The following PKIA variants were observed in gnomAD, a reference collection of about 807,000 sequenced individuals.
The protein encoded by PKIA is PKI-alpha.
PKIA carries 4 observed loss-of-function variants against 7.6 expected under a neutral mutation model. That is an observed-to-expected ratio of 0.52 (90% CI 0.26 to 1.20). PKIA has a LOEUF of 1.20. Ranked by LOEUF, PKIA falls within the 50% of genes most tolerant of loss-of-function variation. The pLI is 0.13. For synonymous variants in PKIA, 21 were observed against 30.7 expected (o/e 0.68, Z 1.04); for missense variants, 73 against 86.2 (o/e 0.85, Z 0.61).
At chr8:78,551,235 G>A (rs1431641620) in intron 1 of PKIA, among the ~76,000 whole-genome samples, 1 of 152,106 alleles carries the variant, frequency 6.6e-6, no homozygotes, top group Non-Finnish European at 1.5e-5. Flanking sequence ...TCAGAGACAT[G>A]TTCCTGGAGG....
At chr8:78,528,563 G>T (rs1307321702) in intron 1 of PKIA, among the ~76,000 whole-genome samples, 1 of 151,486 alleles carries the variant, frequency 6.6e-6, no homozygotes, top group East Asian at 1.9e-4. Context: ...AGTGGTTCAT[G>T]CCAGTAATCT....
intron 2 of PKIA, among the ~76,000 whole-genome samples, chr8:78,596,085 C>T (rs950636297): frequency 1.9e-4 from 29 of 152,018 alleles, no homozygotes; most frequent in Admixed American, 3.3e-4. Flanking sequence ...GGTGGTATCT[C>T]GTAGTTTTGA....
chr8:78,589,025 T>C (rs117663790), intron 2 of PKIA, among the ~76,000 whole-genome samples: 496 of 152,050 alleles, frequency 3.3e-3, no homozygotes, highest in Admixed American at 0.014. Flanking sequence ...TGAAGTAAAA[T>C]TGTAACTCCA....
At chr8:78,523,042 T>G (rs1220748154) in intron 1 of PKIA, among the ~76,000 whole-genome samples, 3 of 151,918 alleles carry the variant, frequency 2.0e-5, no homozygotes, top group Non-Finnish European at 1.5e-5. Flanking sequence ...ACAGTCTCTA[T>G]TGCATCGGCC....
intron 1 of PKIA, among the ~76,000 whole-genome samples, chr8:78,517,144 C>G (rs1809331807): frequency 1.3e-5 from 2 of 152,204 alleles, no homozygotes; most frequent in Non-Finnish European, 2.9e-5. Context: ...TTATCCACCA[C>G]CTGGGTTCCA....
intron 1 of PKIA, among the ~76,000 whole-genome samples, chr8:78,557,439 C>T (rs1444290082): frequency 6.6e-6 from 1 of 152,066 alleles, no homozygotes; most frequent in East Asian, 1.9e-4. Context: ...AACAATAATG[C>T]ATTAAACTTT....
intron 1 of PKIA, among the ~76,000 whole-genome samples, chr8:78,541,192 A>G (rs1806678125): frequency 1.3e-5 from 2 of 152,130 alleles, no homozygotes; most frequent in Middle Eastern, 3.2e-3. Flanking sequence ...AAGCAGTTAA[A>G]TTTATACCAC....
At chr8:78,569,570 A>G (rs1258044478) in intron 1 of PKIA, among the ~76,000 whole-genome samples, 1 of 152,170 alleles carries the variant, frequency 6.6e-6, no homozygotes, top group African/African-American at 2.4e-5. Flanking sequence ...AGAGTCATAT[A>G]CTACTCATAA....
intron 1 of PKIA, among the ~76,000 whole-genome samples, chr8:78,565,702 T>A (rs959353852): frequency 1.3e-4 from 20 of 151,934 alleles, no homozygotes; most frequent in Admixed American, 3.3e-4. Context: ...GGTTTTTTTT[T>A]ATGAGGATTG....
intron 1 of PKIA, among the ~76,000 whole-genome samples, chr8:78,519,077 C>T (rs760767573): frequency 6.6e-6 from 1 of 151,620 alleles, no homozygotes; most frequent in Admixed American, 6.6e-5. Context: ...AATGGAAGGA[C>T]GTGCATGATT....
At chr8:78,570,702 T>A (rs1246720510) in intron 1 of PKIA, among the ~76,000 whole-genome samples, 1 of 152,184 alleles carries the variant, frequency 6.6e-6, no homozygotes, top group Non-Finnish European at 1.5e-5. Flanking sequence ...ATTCTTTATC[T>A]GGCTGCTACC....
intron 1 of PKIA, among the ~76,000 whole-genome samples, chr8:78,565,974 C>T (rs1197135204): frequency 1.3e-5 from 2 of 151,580 alleles, no homozygotes; most frequent in African/African-American, 2.4e-5. Flanking sequence ...CACCAGTGTT[C>T]GATAAAGATT....
chr8:78,529,123 A>G (rs1253416974), intron 1 of PKIA, among the ~76,000 whole-genome samples: 2 of 152,126 alleles, frequency 1.3e-5, no homozygotes, highest in South Asian at 2.1e-4. Flanking sequence ...ACCATGATAT[A>G]GCTTACAGAT....
intron 1 of PKIA, among the ~76,000 whole-genome samples, chr8:78,547,728 C>A (rs1158097605): frequency 1.3e-5 from 2 of 152,096 alleles, no homozygotes; most frequent in African/African-American, 4.8e-5. Context: ...ATTTATATAA[C>A]CCTTTTCTAG....
intron 1 of PKIA, among the ~76,000 whole-genome samples, chr8:78,561,750 G>C (rs191973638): frequency 1.2e-4 from 18 of 152,134 alleles, no homozygotes; most frequent in Admixed American, 2.6e-4. Flanking sequence ...GTTTTGAAAA[G>C]CATCTGTTTT....
chr8:78,588,568 T>C (rs1808016021), intron 2 of PKIA, among the ~76,000 whole-genome samples: 2 of 152,144 alleles, frequency 1.3e-5, no homozygotes, highest in Admixed American at 1.3e-4. Flanking sequence ...AAAAGACTAT[T>C]GCAAGAGTGA....
chr8:78,577,109 C>T (rs1269327961), intron 2 of PKIA, among the ~76,000 whole-genome samples: 1 of 151,782 alleles, frequency 6.6e-6, no homozygotes, highest in Admixed American at 6.6e-5. Context: ...TATGTTCTCA[C>T]TTTTTTTTAA....
chr8:78,601,792 C>A lies in PKIA; in HGVS notation c.202C>A (p.Gln68Lys). 2 of 1,612,220 alleles carry A rather than the reference C, an allele frequency of 1.2e-6. No homozygotes were observed. Among genetic ancestry groups the A allele is most frequent in the Non-Finnish European group, 1.7e-6 (2 of 1,178,854 alleles). ...RSSTEQSGEA[Q>K]GEAAKSES The stretch of plus-strand genomic sequence containing the variant: ...TTCTACAGAACAAAGTGGGGAAGCC[C>A]AGGGAGAAGCAGCAAAATCTGAAAG... Residue 68 changes from glutamine to lysine, a missense_variant, in exon 4 of 4, where the codon CAG becomes AAG. Gln to Lys is a moderately conservative substitution (Grantham distance 53). Transcript: ENST00000396418.
At chr8:78,586,765 T>C (rs1448441866) in intron 2 of PKIA, among the ~76,000 whole-genome samples, 1 of 152,180 alleles carries the variant, frequency 6.6e-6, no homozygotes, top group Non-Finnish European at 1.5e-5. Context: ...AGGAAGTTTA[T>C]ACCCCACTGC....
Sources: gnomAD v4.1 joint callset for allele counts (sites outside exome capture counted in the v4.1 genomes callset) on GRCh38, gnomAD v4.1.1 for gene constraint, MANE v1.5 for transcripts, NCBI Gene and HGNC (gene_info 2026-07-23, HGNC 2026-07-21) for gene names.